Variants in FHIP2A observed in about 807,000 individuals in gnomAD.
The protein encoded by FHIP2A is FHF complex subunit HOOK interacting protein 2A, also known as family with sequence similarity 160 member B1.
Under a neutral mutation model 93.5 loss-of-function variants are expected in FHIP2A, and 46 were observed. The ratio of observed to expected loss-of-function variants is 0.49; its 90% confidence interval spans 0.39 to 0.63. The LOEUF (loss-of-function observed/expected upper bound fraction) is 0.63. Among genes scored for constraint, FHIP2A ranks in the 20% least tolerant of loss-of-function variants. FHIP2A has a pLI of 0.00. For missense variants in FHIP2A, 769 were observed against 909.7 expected (o/e 0.85, Z 1.99); for synonymous variants, 332 against 326.5 (o/e 1.02, Z -0.18).
intron 5 of FHIP2A, 121 bp from the exon 6 acceptor site, chr10:114,842,812 C>T: frequency 1.6e-6 from 1 of 642,224 alleles, no homozygotes; most frequent in Non-Finnish European, 2.7e-6. Context: ...TTTCATGTGA[C>T]ATAACATCTA....
chr10:114,848,419 CAATG>C (rs1416984387), intron 12 of FHIP2A, among the ~76,000 whole-genome samples: 4 of 152,022 alleles, frequency 2.6e-5, no homozygotes, highest in African/African-American at 9.7e-5. Context: ...AATATTTAAT[CAATG>C]AATTGTAAAA....
chr10:114,891,209 A>G (rs2083971347), intron 16 of FHIP2A, among the ~76,000 whole-genome samples: 1 of 121,184 alleles, frequency 8.3e-6, no homozygotes, highest in South Asian at 2.6e-4. Context: ...CCATAACAAC[A>G]ACAACAACAA....
rs2083699164 is a variant in FHIP2A, at chr10:114,846,097, G to A, written c.1205+8G>A. On this transcript the variant is annotated splice_region_variant and intron_variant, in intron 9 of 16. Coordinates refer to ENST00000369248, the MANE Select transcript of FHIP2A (RefSeq NM_020940.4). ...ACCTCAATTAATGCAAACGTGAGTA[G>A]CCTGTTTTCTTTTGAAAAAAACCGC... The A allele has an allele frequency of 3.7e-6, 6 of 1,613,218 alleles. No homozygotes were observed. The highest frequency in any genetic ancestry group is 1.3e-5 in the African/African-American group (1 of 74,960).
intron 1 of FHIP2A, among the ~76,000 whole-genome samples, chr10:114,830,639 G>A (rs955616538): frequency 1.3e-5 from 2 of 152,068 alleles, no homozygotes; most frequent in Admixed American, 6.6e-5. Context: ...TAATAATAAT[G>A]TTGATAAATA....
rs577277171 is a variant in FHIP2A at position 114,837,135 on chromosome 10, C to T, written c.522+889C>T. Among the ~76,000 whole-genome samples the T allele has an allele frequency of 3.9e-5, 6 of 152,188 alleles. No individual in the cohort carries two copies. In the East Asian group the frequency reaches 1.2e-3, roughly 30 times the overall value. On this transcript the variant is annotated intron_variant, in intron 5 of 16. Transcript: ENST00000369248. ...TCCGGGCTGGTCTGGAACTCCTGAG[C>T]TCAAGTGATCCTCCTGCCTCGGCCT...
chr10:114,839,765 C>A (rs541415814), intron 5 of FHIP2A, among the ~76,000 whole-genome samples: 19 of 151,688 alleles, frequency 1.3e-4, no homozygotes, highest in Admixed American at 8.5e-4. Flanking sequence ...GCCTATAGTC[C>A]CAGCTACTCA....
At chr10:114,836,292 A>T in intron 5 of FHIP2A, 46 bp downstream of exon 5, 1 of 1,404,080 alleles carries the variant, frequency 7.1e-7, no homozygotes, top group Non-Finnish European at 9.7e-7. Flanking sequence ...TTATATTAAG[A>T]TCATTATGAA....
chr10:114,868,561 G>A (rs2083841858), downstream of FHIP2A, among the ~76,000 whole-genome samples: 1 of 151,872 alleles, frequency 6.6e-6, no homozygotes, highest in Non-Finnish European at 1.5e-5. Context: ...AAAAAGTGGG[G>A]GGAATATATA....
chr10:114,822,602 T>C (rs2083540158), intron 1 of FHIP2A, among the ~76,000 whole-genome samples: 1 of 152,198 alleles, frequency 6.6e-6, no homozygotes, highest in Admixed American at 6.5e-5. Context: ...GTTTTGGTTT[T>C]CGGGGGTAGA....
Position 114,861,502 on chromosome 10 carries a change from A to G in FHIP2A, c.2260A>G (p.Ile754Val). The G allele has an allele frequency of 1.2e-6, 2 of 1,614,006 alleles. No homozygotes were observed. Among genetic ancestry groups the G allele is most frequent in the South Asian group, 1.1e-5 (1 of 91,070 alleles). ...LEEFCKELAA[I>V]AFVKYHASST... ...AGAGTTCTGTAAGGAGCTGGCGGCA[A>G]TCGCATTTGTAAAATATCATGCTTC... The change falls in exon 17 of 17, where the codon ATC becomes GTC. Residue 754 changes from isoleucine to valine, a missense_variant. Physicochemically the swap from Ile to Val is conservative, Grantham distance 29. Coordinates refer to ENST00000369248, the MANE Select transcript of FHIP2A (RefSeq NM_020940.4).
chr10:114,861,330 C>A lies in FHIP2A; in HGVS notation c.2188C>A (p.Pro730Thr), dbSNP rs1438354465. Residue 730 changes from proline to threonine, a missense_variant, in exon 16 of 17, where the codon CCT (proline) becomes ACT (threonine). Pro to Thr is a conservative substitution (Grantham distance 38, BLOSUM62 -1). Transcript: ENST00000369248. ...GTTACTTGGTTTGGAACCTGAAGGC[C>A]CTATGTAAGTTAGTGTTTTACATTT... ...KRLLGLEPEG[P>T]IIDHITLLEG... The A allele has an allele frequency of 6.2e-7, 1 of 1,613,926 alleles. No homozygotes were observed. The highest frequency in any genetic ancestry group is 8.5e-7 in the Non-Finnish European group (1 of 1,180,016).
intron 16 of FHIP2A, among the ~76,000 whole-genome samples, chr10:114,869,832 T>A (rs933276453): frequency 6.6e-6 from 1 of 152,204 alleles, no homozygotes; most frequent in Non-Finnish European, 1.5e-5. Flanking sequence ...ATAAAAATAA[T>A]TTTGCACAGT....
At chr10:114,872,328 GC>G (rs1400077675) in intron 16 of FHIP2A, among the ~76,000 whole-genome samples, 1 of 152,066 alleles carries the variant, frequency 6.6e-6, no homozygotes, top group African/African-American at 2.4e-5. Context: ...AATCCTAGAG[GC>G]CCACTCACCC....
rs769444273 is a variant in FHIP2A, at chr10:114,833,433, G to A, written c.294+31G>A. The A allele has an allele frequency of 1.9e-6, 3 of 1,592,126 alleles. No homozygotes were observed. The South Asian group carries it at 3.3e-5, about 18-fold the overall frequency. ...TTCCTGATCCACACCATGTTCTTGG[G>A]CATTAGTACATGCATTAATGTCTTA... On this transcript the variant is annotated intron_variant, in intron 3 of 16. Transcript: ENST00000369248.
rs1046479383 is a variant in FHIP2A at position 114,858,424 on chromosome 10, A to G, written c.1948-2325A>G. 3.9e-5 allele frequency among the ~76,000 whole-genome samples: 6 copies of G among 152,214 alleles called. No individual in the cohort carries two copies. In the South Asian group the frequency reaches 1.2e-3, roughly 32 times the overall value. ...GGTAACACCACACAGAGAAAATACA[A>G]AGTCTAAATAGTAATGTATTTGTTT... On this transcript the variant is annotated intron_variant, in intron 14 of 16. Transcript: ENST00000369248.
chr10:114,833,089 C>T, intron 2 of FHIP2A, 144 bp from the exon 3 acceptor site: 2 of 612,850 alleles, frequency 3.3e-6, no homozygotes, highest in South Asian at 4.4e-5. Context: ...CAGAGATAAT[C>T]ATACTGTGTT....
At chr10:114,845,581 C>A in intron 8 of FHIP2A, 100 bp downstream of exon 8, 3 of 701,418 alleles carry the variant, frequency 4.3e-6, no homozygotes, top group Non-Finnish European at 7.1e-6. Flanking sequence ...TTTTAATTGT[C>A]TTAGAATACC....
At chr10:114,831,319 T>C (rs1051931738) in intron 2 of FHIP2A, among the ~76,000 whole-genome samples, 1 of 152,132 alleles carries the variant, frequency 6.6e-6, no homozygotes, top group Admixed American at 6.5e-5. Flanking sequence ...AGTTGGCTAT[T>C]TTAGGTTAGA....
intron 1 of FHIP2A, among the ~76,000 whole-genome samples, chr10:114,825,208 G>A (rs1309895396): frequency 6.6e-6 from 1 of 152,022 alleles, no homozygotes; most frequent in Non-Finnish European, 1.5e-5. Context: ...TGTAGACACT[G>A]GGCCTCACAA....
Sources: allele counts gnomAD v4.1 joint callset (sites outside exome capture counted in the v4.1 genomes callset), GRCh38; gene constraint gnomAD v4.1.1; transcripts MANE v1.5; gene names NCBI Gene and HGNC (gene_info 2026-07-23, HGNC 2026-07-21).